ZYG11B: variants seen among roughly 807,000 people sequenced by gnomAD.
ZYG11B encodes the protein zyg-11 family member B, cell cycle regulator.
Under a neutral mutation model 82.4 loss-of-function variants are expected in ZYG11B, and 36 were observed. That is an observed-to-expected ratio of 0.44 (90% CI 0.33 to 0.58). ZYG11B has a LOEUF of 0.58. Among genes scored for constraint, ZYG11B ranks in the 20% least tolerant of loss-of-function variants. ZYG11B has a pLI of 0.02. For synonymous variants in ZYG11B, 303 were observed against 312.8 expected (o/e 0.97, Z 0.33); for missense variants, 552 against 895.6 (o/e 0.62, Z 4.90).
At chr1:52,803,107 T>TATATATACAC (rs1645095174) in intron 10 of ZYG11B, among the ~76,000 whole-genome samples, 1 of 89,946 alleles carries the variant, frequency 1.1e-5, no homozygotes, top group African/African-American at 7.7e-5. Flanking sequence ...TACATATATA[T>TATATATACAC]ATATATATAT....
intron 2 of ZYG11B, among the ~76,000 whole-genome samples, chr1:52,767,685 C>CTA (rs1236762096): frequency 6.6e-6 from 1 of 152,114 alleles, no homozygotes; most frequent in African/African-American, 2.4e-5. Flanking sequence ...GGTTGGAATT[C>CTA]TGACTCCCCA....
In ZYG11B at chr1:52,771,888, C is replaced by T; in HGVS notation, c.951+114C>T. On this transcript the variant is annotated intron_variant, in intron 3 of 13. Coordinates refer to ENST00000294353, the MANE Select transcript of ZYG11B (RefSeq NM_024646.3). The surrounding 1 kb of genome is among the most constrained non-coding windows in gnomAD (Gnocchi z 5.4). ...GGAACATGTTCATGAAACAGGGCTG[C>T]ATATAGTTGAAAGGCTTAGAGTCCT... 4 of 1,292,378 alleles carry T rather than the reference C, an allele frequency of 3.1e-6. No homozygotes were observed. 80.1% of individuals were successfully genotyped at this position (1,292,378 alleles called of 1,614,324 possible).
chr1:52,774,162 C>T (rs2149940590), intron 3 of ZYG11B, among the ~76,000 whole-genome samples: 1 of 151,440 alleles, frequency 6.6e-6, no homozygotes, highest in South Asian at 2.1e-4. Context: ...TCCTCAGAGG[C>T]AGGGTCTTGC....
At chr1:52,761,711 A>G (rs1239067732) in intron 2 of ZYG11B, among the ~76,000 whole-genome samples, 1 of 152,154 alleles carries the variant, frequency 6.6e-6, no homozygotes, top group Non-Finnish European at 1.5e-5. Context: ...CAGTAGTGGG[A>G]TTGCTGGATA....
At chr1:52,766,404 A>G (rs1644690307) in intron 2 of ZYG11B, among the ~76,000 whole-genome samples, 1 of 146,906 alleles carries the variant, frequency 6.8e-6, no homozygotes, top group South Asian at 2.2e-4. Flanking sequence ...CTGGTCTGTT[A>G]CTCATTTTTT....
intron 1 of ZYG11B, among the ~76,000 whole-genome samples, chr1:52,735,622 C>T (rs1281085187): frequency 1.3e-5 from 2 of 151,902 alleles, no homozygotes; most frequent in African/African-American, 2.4e-5. Context: ...CTGCAGCCTC[C>T]GCCTCCCGAG....
At chr1:52,803,117 T>A (rs12746432) in intron 10 of ZYG11B, among the ~76,000 whole-genome samples, 1 of 25,206 alleles carries the variant, frequency 4.0e-5, no homozygotes, top group Non-Finnish European at 6.6e-5. Context: ...TATATATATA[T>A]ACACACATAT....
At chr1:52,751,853 T>C (rs1644527447) in intron 1 of ZYG11B, among the ~76,000 whole-genome samples, 1 of 152,060 alleles carries the variant, frequency 6.6e-6, no homozygotes, top group Non-Finnish European at 1.5e-5. Context: ...TATACTCCTT[T>C]ATATTCACAC....
intron 10 of ZYG11B, among the ~76,000 whole-genome samples, chr1:52,810,231 C>G (rs984513506): frequency 6.6e-6 from 1 of 152,060 alleles, no homozygotes; most frequent in African/African-American, 2.4e-5. Flanking sequence ...TTTTTCCATA[C>G]TGGGTGATGA....
intron 2 of ZYG11B, among the ~76,000 whole-genome samples, chr1:52,768,340 C>A (rs1044891099): frequency 6.6e-6 from 1 of 152,094 alleles, no homozygotes; most frequent in Non-Finnish European, 1.5e-5. Flanking sequence ...CCAAGGTCCC[C>A]CCTAGCTGAT....
In ZYG11B at chr1:52,801,922, C is replaced by T. The variant is rs747091251; in HGVS notation, c.1589C>T (p.Thr530Ile). The T allele has an allele frequency of 2.5e-5, 40 of 1,612,760 alleles. No homozygotes were observed. In the Admixed American group the frequency reaches 5.5e-4, roughly 22 times the overall value. ...TGGAACCTCACAGATGAATCTCCAA[C>T]CACTTGTAGACACTTTATTGAAAAC... is the stretch of plus-strand genomic sequence containing the variant. ...ALWNLTDESP[T>I]TCRHFIENQG... The change falls in exon 9 of 14, where the codon ACC (threonine) becomes ATC (isoleucine). Residue 530 changes from threonine to isoleucine, a missense_variant. Coordinates refer to ENST00000294353, the MANE Select transcript of ZYG11B (RefSeq NM_024646.3).
chr1:52,792,840 T>C (rs1222100217), intron 6 of ZYG11B, among the ~76,000 whole-genome samples: 2 of 152,060 alleles, frequency 1.3e-5, no homozygotes, highest in East Asian at 3.9e-4. Flanking sequence ...TTTTATTTTA[T>C]TTATTTATTT....
At chr1:52,783,898 GTGTGTATATACATCTATACATATA>G (rs1381069134) in intron 4 of ZYG11B, among the ~76,000 whole-genome samples, 137 of 98,708 alleles carry the variant, frequency 1.4e-3, no homozygotes, top group Non-Finnish European at 1.6e-3. Flanking sequence ...ACATACACGT[GTGTGTATATACATCTATACATATA>G]TGTGTATATA....
chr1:52,783,893 C>CATGTGTGTGTGTGTATGTACATAT (rs74193327), intron 4 of ZYG11B, among the ~76,000 whole-genome samples: 1 of 81,940 alleles, frequency 1.2e-5, no homozygotes, highest in Non-Finnish European at 2.6e-5. Context: ...TATGTACATA[C>CATGTGTGTGTGTGTATGTACATAT]ACGTGTGTGT....
intron 10 of ZYG11B, among the ~76,000 whole-genome samples, chr1:52,809,807 GTCT>G (rs1297916232): frequency 2.0e-5 from 3 of 152,036 alleles, no homozygotes; most frequent in Non-Finnish European, 4.4e-5. Flanking sequence ...CCATTTGTAT[GTCT>G]TCTTCGGAGA....
intron 1 of ZYG11B, among the ~76,000 whole-genome samples, chr1:52,753,029 G>T (rs1294201326): frequency 1.3e-5 from 2 of 152,060 alleles, no homozygotes; most frequent in Non-Finnish European, 2.9e-5. Context: ...TGTATTTTTA[G>T]GAGAGACGGG....
intron 10 of ZYG11B, among the ~76,000 whole-genome samples, chr1:52,803,645 A>T (rs901609810): frequency 2.0e-5 from 3 of 152,124 alleles, no homozygotes; most frequent in Non-Finnish European, 4.4e-5. Flanking sequence ...TCTGTTGCCC[A>T]TTGTGCAGTG....
At chr1:52,805,249 T>C in intron 10 of ZYG11B, 1 of 324,858 alleles carries the variant, frequency 3.1e-6, no homozygotes, top group Non-Finnish European at 6.1e-6. Context: ...AATTAGATTA[T>C]GGGAGGCATA....
chr1:52,790,799 T>G (rs1644952262), intron 6 of ZYG11B, among the ~76,000 whole-genome samples: 1 of 98,362 alleles, frequency 1.0e-5, no homozygotes, highest in African/African-American at 5.0e-5. Context: ...TTTTGTAACA[T>G]GTCTGTTATT....
Sources: allele counts gnomAD v4.1 joint callset (sites outside exome capture counted in the v4.1 genomes callset), GRCh38; gene constraint gnomAD v4.1.1; non-coding constraint Gnocchi (gnomAD v3.1); transcripts MANE v1.5; gene names NCBI Gene and HGNC (gene_info 2026-07-23, HGNC 2026-07-21).